Variants in RBFOX3 observed in about 807,000 individuals in gnomAD.
RBFOX3 encodes the protein RNA binding fox-1 homolog 3, also known as RNA binding protein fox-1 homolog 3.
RBFOX3 carries 17 observed loss-of-function variants against 48.7 expected under a neutral mutation model. The ratio of observed to expected loss-of-function variants is 0.35; its 90% CI spans 0.24 to 0.52. The LOEUF is 0.52. Among genes scored for constraint, RBFOX3 ranks in the 20% least tolerant of loss-of-function variants. The probability of loss-of-function intolerance (pLI) is 0.94; values close to 1 mark genes in which losing one functional copy is unlikely to be tolerated. For missense variants in RBFOX3, 382 were observed against 497.5 expected, an observed-to-expected ratio of 0.77 and a Z score of 2.21; for synonymous variants, 212 against 209.5, an observed-to-expected ratio of 1.01 and a Z score of -0.10.
intron 14 of RBFOX3, 132 bp from the exon 15 acceptor site, chr17:79,091,017 T>G (rs2073782008): frequency 2.2e-4 from 189 of 878,044 alleles, no homozygotes; most frequent in Non-Finnish European, 3.0e-4. Flanking sequence ...CCCCCAGGTT[T>G]CCAGGACCCT....
chr17:79,516,098 G>C (rs1488689148), intron 1 of RBFOX3: 3 of 152,116 alleles, frequency 2.0e-5, no homozygotes, highest in Non-Finnish European at 4.4e-5. Flanking sequence ...GAGAGAGAGA[G>C]GCAGAGAGAG....
At chr17:79,579,189 G>T (rs1324937844) in intron 1 of RBFOX3, among the ~76,000 whole-genome samples, 1 of 152,184 alleles carries the variant, frequency 6.6e-6, no homozygotes. Flanking sequence ...CCTGCCCTGT[G>T]GGGAGGCACA....
the RBFOX3 span, among the ~76,000 whole-genome samples, chr17:79,643,708 A>T: frequency 6.6e-6 from 1 of 152,204 alleles, no homozygotes; most frequent in South Asian, 2.1e-4. Flanking sequence ...TCAAAGTAGA[A>T]ATCACAAAGC....
At chr17:79,513,992 G>A (rs1016145947) in intron 1 of RBFOX3, among the ~76,000 whole-genome samples, 4 of 152,296 alleles carry the variant, frequency 2.6e-5, no homozygotes, top group Admixed American at 6.5e-5. Context: ...GACCAGACCT[G>A]CCAATCCTTG....
At chr17:79,173,252 AG>A (rs1482004808) in intron 4 of RBFOX3, among the ~76,000 whole-genome samples, 1 of 152,194 alleles carries the variant, frequency 6.6e-6, no homozygotes, top group Non-Finnish European at 1.5e-5. Flanking sequence ...ACATACTACT[AG>A]AAAATGTAAA....
chr17:79,409,266 T>C (rs1340985451), intron 2 of RBFOX3, among the ~76,000 whole-genome samples: 2 of 152,252 alleles, frequency 1.3e-5, no homozygotes, highest in Non-Finnish European at 1.5e-5. Context: ...GCATTTGGCT[T>C]GTTTCCGCCT....
intron 2 of RBFOX3, among the ~76,000 whole-genome samples, chr17:79,414,526 C>T (rs1166127345): frequency 6.6e-6 from 1 of 152,208 alleles, no homozygotes; most frequent in Non-Finnish European, 1.5e-5. Context: ...CCCCGTGAAT[C>T]CCTTCCACCT....
At chr17:79,460,524 T>C (rs2075242066) in intron 2 of RBFOX3, among the ~76,000 whole-genome samples, 1 of 152,166 alleles carries the variant, frequency 6.6e-6, no homozygotes, top group African/African-American at 2.4e-5. Context: ...CCCCAGCCAC[T>C]CTGAGCTCTC....
intron 3 of RBFOX3, among the ~76,000 whole-genome samples, chr17:79,251,993 G>A (rs1434039367): frequency 6.6e-6 from 1 of 152,120 alleles, no homozygotes; most frequent in Non-Finnish European, 1.5e-5. Context: ...TACTCACCTG[G>A]AGACCAGGTG....
At chr17:79,329,507 T>C (rs1466362081) in intron 2 of RBFOX3, among the ~76,000 whole-genome samples, 1 of 152,070 alleles carries the variant, frequency 6.6e-6, no homozygotes, top group Non-Finnish European at 1.5e-5. Context: ...AGATCACCCG[T>C]GAGAACTTCC....
intron 2 of RBFOX3, among the ~76,000 whole-genome samples, chr17:79,425,902 C>T (rs1464647210): frequency 2.0e-5 from 3 of 152,028 alleles, no homozygotes; most frequent in Non-Finnish European, 2.9e-5. Context: ...CAAAGAGGGG[C>T]GGGCACCAGG....
At chr17:79,657,555 T>A in the RBFOX3 span, among the ~76,000 whole-genome samples, 2 of 152,208 alleles carry the variant, frequency 1.3e-5, no homozygotes. Flanking sequence ...GGCAGGCAAC[T>A]GTAGTCCCAG....
intron 3 of RBFOX3, among the ~76,000 whole-genome samples, chr17:79,266,882 C>T (rs928044803): frequency 6.6e-6 from 1 of 152,124 alleles, no homozygotes; most frequent in African/African-American, 2.4e-5. Flanking sequence ...ATAGGAGCTC[C>T]GCGCTCCTGC....
the RBFOX3 span, among the ~76,000 whole-genome samples, chr17:79,616,563 C>CTCTG: frequency 1.9e-5 from 2 of 103,282 alleles, no homozygotes; most frequent in East Asian, 5.8e-4. Context: ...GAATGGATCT[C>CTCTG]TCTGTCTCTC....
At chr17:79,215,761 C>T (rs879274531) in intron 4 of RBFOX3, among the ~76,000 whole-genome samples, 1 of 152,268 alleles carries the variant, frequency 6.6e-6, no homozygotes, top group East Asian at 1.9e-4. Context: ...CCATGCCACG[C>T]TGGGCACCGC....
intron 4 of RBFOX3, among the ~76,000 whole-genome samples, chr17:79,127,862 G>A (rs2037728095): frequency 6.6e-6 from 1 of 152,210 alleles, no homozygotes; most frequent in South Asian, 2.1e-4. Context: ...AGAACATTCT[G>A]TCCACTTTGT....
intron 3 of RBFOX3, among the ~76,000 whole-genome samples, chr17:79,268,426 G>C (rs2067102240): frequency 6.6e-6 from 1 of 152,150 alleles, no homozygotes. Flanking sequence ...GCCAAGCTCA[G>C]CCCCTTCCTC....
intron 2 of RBFOX3, among the ~76,000 whole-genome samples, chr17:79,380,265 T>C (rs2059740324): frequency 1.3e-5 from 2 of 152,314 alleles, no homozygotes; most frequent in East Asian, 1.9e-4. Context: ...AAGGATTTAA[T>C]TGCATGTCAA....
chr17:79,133,119 A>AGG (rs2039368405), intron 4 of RBFOX3, among the ~76,000 whole-genome samples: 2 of 152,060 alleles, frequency 1.3e-5, no homozygotes, highest in African/African-American at 4.8e-5. Context: ...TCCAGGGAGG[A>AGG]GGGGGAGCTC....
Sources: gnomAD v4.1 joint callset for allele counts (sites outside exome capture counted in the v4.1 genomes callset) on GRCh38, gnomAD v4.1.1 for gene constraint, MANE v1.5 for transcripts, NCBI Gene and HGNC (gene_info 2026-07-23, HGNC 2026-07-21) for gene names.